CAST: variants seen among roughly 807,000 people sequenced by gnomAD.
CAST encodes the protein calpastatin.
Under a neutral mutation model 119.6 loss-of-function variants are expected in CAST, and 76 were observed. The observed-to-expected ratio is 0.64, with a 90% CI of 0.53 to 0.77. The LOEUF is 0.77. CAST is among the 30% of genes least tolerant of loss of function. CAST has a pLI of 0.00. For missense variants in CAST, 953 were observed against 946.5 expected (o/e 1.01, Z -0.09); for synonymous variants, 319 against 331.6 (o/e 0.96, Z 0.41).
the CAST span, among the ~76,000 whole-genome samples, chr5:96,447,953 T>A: frequency 6.6e-6 from 1 of 151,620 alleles, no homozygotes; most frequent in East Asian, 1.9e-4. Flanking sequence ...CTGTCCTACA[T>A]CAGTGATTTT....
At chr5:95,997,978 T>G in the CAST span, among the ~76,000 whole-genome samples, 1 of 148,544 alleles carries the variant, frequency 6.7e-6, no homozygotes, top group African/African-American at 2.5e-5. Flanking sequence ...TTTTTTTTTT[T>G]TTTTTTTTTC....
chr5:96,425,960 A>G, the CAST span: 3 of 1,256,232 alleles, frequency 2.4e-6, no homozygotes, highest in African/African-American at 2.9e-5. Context: ...AAGAAAATCA[A>G]AAGTCAAATA....
chr5:96,230,152 C>G, the CAST span, among the ~76,000 whole-genome samples: 3 of 152,098 alleles, frequency 2.0e-5, no homozygotes, highest in Non-Finnish European at 2.9e-5. Flanking sequence ...TAGCTGATGT[C>G]CTGCAGTATG....
intron 1 of CAST, among the ~76,000 whole-genome samples, chr5:96,606,600 C>A (rs1436643761): frequency 6.6e-6 from 1 of 152,202 alleles, no homozygotes; most frequent in Non-Finnish European, 1.5e-5. Flanking sequence ...TTCTCGTATT[C>A]TTCTTGAAAG....
chr5:96,090,216 G>A, the CAST span, among the ~76,000 whole-genome samples: 12 of 152,136 alleles, frequency 7.9e-5, no homozygotes, highest in African/African-American at 1.2e-4. Context: ...AGTACCTTAT[G>A]GCAGCCAAAA....
At chr5:96,366,632 C>G in the CAST span, among the ~76,000 whole-genome samples, 1 of 152,210 alleles carries the variant, frequency 6.6e-6, no homozygotes, top group East Asian at 1.9e-4. Context: ...GCTACTGAAG[C>G]TTGTGCATTT....
At chr5:96,574,758 CCA>C (rs1746637564) in intron 1 of CAST, among the ~76,000 whole-genome samples, 1 of 152,044 alleles carries the variant, frequency 6.6e-6, no homozygotes, top group African/African-American at 2.4e-5. Flanking sequence ...ATATGGATGT[CCA>C]ATTGCTCCAG....
the CAST span, among the ~76,000 whole-genome samples, chr5:96,060,184 A>G: frequency 1.4e-4 from 22 of 152,162 alleles, no homozygotes; most frequent in South Asian, 8.3e-4. Context: ...TCACTAGAAT[A>G]ATAATAGTTC....
At chr5:96,050,810 A>G in the CAST span, among the ~76,000 whole-genome samples, 1 of 152,176 alleles carries the variant, frequency 6.6e-6, no homozygotes, top group African/African-American at 2.4e-5. Context: ...TAGGAAGACA[A>G]GGGAGACCGA....
the CAST span, among the ~76,000 whole-genome samples, chr5:96,064,326 A>AGGTT: frequency 6.6e-6 from 1 of 152,174 alleles, no homozygotes; most frequent in Non-Finnish European, 1.5e-5. Flanking sequence ...GGAGTGGAGA[A>AGGTT]AGTTAGAGAC....
the CAST span, among the ~76,000 whole-genome samples, chr5:96,485,184 C>T: frequency 2.2e-4 from 34 of 152,234 alleles, no homozygotes; most frequent in Admixed American, 1.4e-3. Context: ...CACTAAGTCT[C>T]ATGGATTGAA....
chr5:96,248,807 A>G, the CAST span, among the ~76,000 whole-genome samples: 1 of 152,202 alleles, frequency 6.6e-6, no homozygotes, highest in Non-Finnish European at 1.5e-5. Context: ...TTTACAAAAG[A>G]CGTGTTTTGT....
intron 3 of CAST, among the ~76,000 whole-genome samples, chr5:96,710,317 A>G (rs774737157): frequency 2.0e-5 from 3 of 152,150 alleles, no homozygotes; most frequent in Non-Finnish European, 4.4e-5. Flanking sequence ...TAGACGGTAG[A>G]AAATGGTGGT....
the CAST span, among the ~76,000 whole-genome samples, chr5:96,100,338 A>G: frequency 6.6e-6 from 1 of 152,178 alleles, no homozygotes; most frequent in African/African-American, 2.4e-5. Flanking sequence ...TTCCCCTGAC[A>G]TGCTAGCTTC....
At chr5:96,522,224 C>G (rs1745530598), upstream of CAST, among the ~76,000 whole-genome samples, 1 of 152,152 alleles carries the variant, frequency 6.6e-6, no homozygotes, top group Non-Finnish European at 1.5e-5. Flanking sequence ...GGATTGGGTA[C>G]TTTTATTGTC....
the CAST span, among the ~76,000 whole-genome samples, chr5:96,113,853 T>A: frequency 6.6e-6 from 1 of 152,190 alleles, no homozygotes; most frequent in Non-Finnish European, 1.5e-5. Flanking sequence ...GGGCTGTTAG[T>A]TTCGTTATGT....
the CAST span, among the ~76,000 whole-genome samples, chr5:96,124,458 A>G: frequency 3.3e-5 from 5 of 152,158 alleles, no homozygotes; most frequent in Admixed American, 2.0e-4. Flanking sequence ...AATTTCAAGC[A>G]TTTTTATTCT....
At chr5:96,695,648 C>G (rs903548481) in intron 2 of CAST, 188 bp from the exon 3 acceptor site, 1 of 456,298 alleles carries the variant, frequency 2.2e-6, no homozygotes, top group East Asian at 4.1e-5. Context: ...ACTTACTCTT[C>G]ATTTCAATAT....
chr5:96,400,048 A>G, the CAST span: 4 of 1,614,070 alleles, frequency 2.5e-6, no homozygotes, highest in Non-Finnish European at 3.4e-6. Context: ...GAGCTTTGGC[A>G]TTTAGCAAGC....
Sources: gnomAD v4.1 joint callset for allele counts (sites outside exome capture counted in the v4.1 genomes callset) on GRCh38, gnomAD v4.1.1 for gene constraint, MANE v1.5 for transcripts, NCBI Gene and HGNC (gene_info 2026-07-23, HGNC 2026-07-21) for gene names.